Variants in PRMT1 observed in about 807,000 individuals in gnomAD.
PRMT1 encodes protein arginine methyltransferase 1.
PRMT1 carries 5 observed loss-of-function variants against 47.4 expected under a neutral mutation model. The ratio of observed to expected loss-of-function variants is 0.11; its 90% CI spans 0.06 to 0.22. PRMT1 has a LOEUF of 0.22. Among genes scored for constraint, PRMT1 ranks in the 10% least tolerant of loss-of-function variants. The pLI, the probability that PRMT1 is intolerant of heterozygous loss-of-function variation, is 1.00. For missense variants in PRMT1, 249 were observed against 518.4 expected (o/e 0.48, Z 5.05); for synonymous variants, 227 against 204.6 (o/e 1.11, Z -0.94).
intron 5 of PRMT1, 161 bp from the exon 6 acceptor site, chr19:49,683,766 C>A: frequency 1.3e-6 from 1 of 753,724 alleles, no homozygotes; most frequent in Non-Finnish European, 2.1e-6. Context: ...CAAAAATGTC[C>A]AGAACGATGT....
At chr19:49,686,338 C>T (rs2082204126) in intron 9 of PRMT1, 95 bp downstream of exon 9, 1 of 1,450,860 alleles carries the variant, frequency 6.9e-7, no homozygotes, top group Admixed American at 2.3e-5. Flanking sequence ...GCAGAAGGAA[C>T]CATGGGGACA....
Position 49,681,257 on chromosome 19 carries a change from C to T in PRMT1, c.193-653C>T, listed in dbSNP as rs1242914350. On this transcript the variant is annotated intron_variant, in intron 3 of 10. Coordinates refer to ENST00000454376, the MANE Select transcript of PRMT1 (RefSeq NM_001536.6). This position sits in a 1 kb window ranked among gnomAD's most constrained non-coding sequence, Gnocchi z 4.4. ...GTAGAGATAATCTTGCCTTGTTGCC[C>T]AGGCTGGTCTCAAACTCTTGGGATC... 6.6e-6 allele frequency among the ~76,000 whole-genome samples: 1 copy of T among 152,128 alleles called. No homozygotes were observed. Among genetic ancestry groups the T allele is most frequent in the Non-Finnish European group, 1.5e-5 (1 of 68,020 alleles).
chr19:49,676,570 C>T (rs1227153189), upstream of PRMT1: 1 of 152,290 alleles, frequency 6.6e-6, no homozygotes, highest in Non-Finnish European at 1.5e-5. Context: ...GACTCCTATT[C>T]CTCACTTGCT....
chr19:49,680,189 C>G lies in PRMT1; in HGVS notation c.90+264C>G, dbSNP rs370673129. ...GCCCCCATTTTCCTTCCCCTCCCCT[C>G]CCCAGCTGTGGGCTGAGCTAGAGAC... is the stretch of plus-strand genomic sequence containing the variant. On this transcript the variant is annotated intron_variant, in intron 2 of 10. Transcript: ENST00000454376. The surrounding 1 kb of genome is among the most constrained non-coding windows in gnomAD (Gnocchi z 4.2). 2,024 of 1,592,842 alleles carry G rather than the reference C, an allele frequency of 1.3e-3. 50 individuals are homozygous for G. The South Asian group carries it at 0.022, about 17-fold the overall frequency.
chr19:49,683,665 G>A (rs932464069), intron 5 of PRMT1: 1 of 365,016 alleles, frequency 2.7e-6, no homozygotes, highest in Non-Finnish European at 5.1e-6. Flanking sequence ...TCCAGCCTGG[G>A]TGACAGAGCA....
At position 49,688,339 on chromosome 19, in the gene PRMT1, G is replaced by T; in HGVS notation, c.*94G>T. On this transcript the variant is annotated 3_prime_UTR_variant, in exon 11 of 11. Transcript: ENST00000454376. This position sits in a 1 kb window ranked among gnomAD's most constrained non-coding sequence, Gnocchi z 5.3. ...TCCTCTCCCTCCCTCCCGCAGAAGG[G>T]GGTTTTAGGGGCCTGGGCTGGGGGG... 1 of 1,232,594 alleles carries T rather than the reference G, an allele frequency of 8.1e-7. No individual in the cohort carries two copies. 76.4% of individuals were successfully genotyped at this position (1,232,594 alleles called of 1,614,324 possible). A position where few individuals can be genotyped will look rare whatever the true frequency, so the allele number is the denominator to read the frequency against.
rs1473378098 is a variant in PRMT1 at position 49,683,727 on chromosome 19, C to A, written c.413-200C>A. 26 of 584,444 alleles carry A rather than the reference C, an allele frequency of 4.4e-5. No homozygotes were observed. In the Admixed American group the frequency reaches 8.0e-4, roughly 18 times the overall value. The allele number at this position is 584,444 out of a possible 1,614,324, so 36.2% of individuals were successfully genotyped here. A position where few individuals can be genotyped will look rare whatever the true frequency, so the allele number is the denominator to read the frequency against. Reference sequence around the variant, plus strand: ...AAAAAAAGTAACATCACCTGATACCCAGTCCACATAAAATTTCTGCTCCTG... The same window carrying A: ...AAAAAAAGTAACATCACCTGATACCAAGTCCACATAAAATTTCTGCTCCTG... On this transcript the variant is annotated intron_variant, in intron 5 of 10. Transcript: ENST00000454376.
rs770251288 is a variant in PRMT1 at position 49,685,019 on chromosome 19, C to T, written c.741C>T (p.Thr247=). 77 of 1,613,560 alleles carry T rather than the reference C, an allele frequency of 4.8e-5. No individual in the cohort carries two copies. Among genetic ancestry groups the T allele is most frequent in the Non-Finnish European group, 6.2e-5 (73 of 1,179,790 alleles). The change falls in exon 8 of 11, where the codon ACC becomes ACT. Residue 247 remains threonine (T), a synonymous_variant. Coordinates refer to ENST00000454376, the MANE Select transcript of PRMT1 (RefSeq NM_001536.6). This position sits in a 1 kb window ranked among gnomAD's most constrained non-coding sequence, Gnocchi z 4.7. ...TCGTGGACCCCAAACAGCTGGTCAC[C>T]AACGCCTGCCTCATAAAGGTGAGGG... ...VDVVDPKQLV[T]NACLIKEVDI...
At chr19:49,687,946 C>G in intron 10 of PRMT1, 2 of 607,986 alleles carry the variant, frequency 3.3e-6, no homozygotes, top group Non-Finnish European at 5.9e-6. Context: ...CTGGGCTCTA[C>G]TCCTGAGTGA....
At position 49,688,299 on chromosome 19, in the gene PRMT1, T is replaced by A; in HGVS notation, c.*54T>A. 1.3e-6 allele frequency: 2 copies of A among 1,570,364 alleles called. No individual in the cohort carries two copies. The highest frequency in any genetic ancestry group is 1.7e-6 in the Non-Finnish European group (2 of 1,143,964). On this transcript the variant is annotated 3_prime_UTR_variant, in exon 11 of 11. Coordinates refer to ENST00000454376, the MANE Select transcript of PRMT1 (RefSeq NM_001536.6). This position sits in a 1 kb window ranked among gnomAD's most constrained non-coding sequence, Gnocchi z 5.3. ...CAGGGGCTGAGCGTTCCTAGGCGGT[T>A]TCGGGGCTCCCCCTTCCTCTCCCTC...
chr19:49,677,008 T>C, upstream of PRMT1: 1 of 380,252 alleles, frequency 2.6e-6, no homozygotes, highest in Non-Finnish European at 4.7e-6. Flanking sequence ...CAGTCGCGCT[T>C]CTTGCAATAG....
intron 1 of PRMT1, among the ~76,000 whole-genome samples, chr19:49,678,882 C>CTTT (rs777584653): frequency 7.5e-6 from 1 of 132,756 alleles, no homozygotes; most frequent in Non-Finnish European, 1.6e-5. Flanking sequence ...CCCCAAGCCA[C>CTTT]TTTTTTTTTT....
chr19:49,687,892 T>C (rs182749150), intron 10 of PRMT1: 2 of 564,432 alleles, frequency 3.5e-6, no homozygotes, highest in Non-Finnish European at 6.4e-6. Flanking sequence ...GCATTGCTGA[T>C]GGGAATCATC....
chr19:49,679,913 G>A lies in PRMT1; in HGVS notation c.78G>A (p.Pro26=), dbSNP rs759570014. The A allele has an allele frequency of 1.4e-5, 23 of 1,612,082 alleles. No individual in the cohort carries two copies. The highest frequency in any genetic ancestry group is 6.6e-5 in the South Asian group (6 of 90,828). Residue 26 remains proline (P), a synonymous_variant, in exon 2 of 11, where the codon CCG becomes CCA. Coordinates refer to ENST00000454376, the MANE Select transcript of PRMT1 (RefSeq NM_001536.6). ...ATLANGMSLQ[P]PLEEVSCGQA... is the part of the protein sequence containing the mutation. The stretch of plus-strand genomic sequence containing the variant: ...TGGCTAATGGGATGAGCCTCCAGCC[G>A]CCTCTTGAAGAAGTAAATATCCTTT...
rs753077200 is a variant in PRMT1 at position 49,683,994 on chromosome 19, C to T, written c.480C>T (p.Ile160=). 1 of 1,614,142 alleles carries T rather than the reference C, an allele frequency of 6.2e-7. No homozygotes were observed. Among genetic ancestry groups the T allele is most frequent in the Non-Finnish European group, 8.5e-7 (1 of 1,180,030 alleles). ...ELPVEKVDII[I]SEWMGYCLFY... ...CAGTGGAGAAGGTGGACATCATCAT[C>T]AGCGAGTGGATGGGCTACTGCCTCT... Residue 160 remains isoleucine, a synonymous_variant, in exon 6 of 11, where the codon ATC becomes ATT. Coordinates refer to ENST00000454376, the MANE Select transcript of PRMT1 (RefSeq NM_001536.6).
In PRMT1 at chr19:49,684,040, A is replaced by G. The variant is rs2082165844; in HGVS notation, c.526A>G (p.Thr176Ala). The G allele has an allele frequency of 6.2e-7, 1 of 1,614,024 alleles. No homozygotes were observed. Among genetic ancestry groups the G allele is most frequent in the Non-Finnish European group, 8.5e-7 (1 of 1,179,994 alleles). ...CCTCTTCTACGAGTCCATGCTCAAC[A>G]CCGTGCTCTATGCCCGGGACAAGTG... ...YCLFYESMLN[T>A]VLYARDKWLA... The change falls in exon 6 of 11, where the codon ACC becomes GCC. Residue 176 changes from threonine (T) to alanine (A), a missense_variant. Physicochemically the swap from Thr to Ala is moderately conservative, Grantham distance 58. This residue lies in a region of PRMT1 where 190 missense variants were observed against 456.7 expected (regional missense o/e 0.42). Transcript: ENST00000454376. This position sits in a 1 kb window ranked among gnomAD's most constrained non-coding sequence, Gnocchi z 6.2.
chr19:49,688,340 G>A lies in PRMT1; in HGVS notation c.*95G>A. On this transcript the variant is annotated 3_prime_UTR_variant, in exon 11 of 11. Coordinates refer to ENST00000454376, the MANE Select transcript of PRMT1 (RefSeq NM_001536.6). This position sits in a 1 kb window ranked among gnomAD's most constrained non-coding sequence, Gnocchi z 5.3. ...CCTCTCCCTCCCTCCCGCAGAAGGG[G>A]GTTTTAGGGGCCTGGGCTGGGGGGA... is the stretch of plus-strand genomic sequence containing the variant. 8.1e-7 allele frequency: 1 copy of A among 1,229,754 alleles called. No individual in the cohort carries two copies. The highest frequency in any genetic ancestry group is 2.4e-5 in the East Asian group (1 of 42,418). 76.2% of individuals were successfully genotyped at this position (1,229,754 alleles called of 1,614,324 possible). A position where few individuals can be genotyped will look rare whatever the true frequency, so the allele number is the denominator to read the frequency against.
rs2082092604 is a variant in PRMT1 at position 49,680,041 on chromosome 19, AC to A, written c.90+120del. 8.0e-7 allele frequency: 1 copy of A among 1,250,764 alleles called. No individual in the cohort carries two copies. The highest frequency in any genetic ancestry group is 1.1e-6 in the Non-Finnish European group (1 of 875,464). 77.5% of individuals were successfully genotyped at this position (1,250,764 alleles called of 1,614,324 possible). A position where few individuals can be genotyped will look rare whatever the true frequency, so the allele number is the denominator to read the frequency against. On this transcript the variant is annotated intron_variant, in intron 2 of 10. Coordinates refer to ENST00000454376, the MANE Select transcript of PRMT1 (RefSeq NM_001536.6). This position sits in a 1 kb window ranked among gnomAD's most constrained non-coding sequence, Gnocchi z 4.2. Reference sequence around the variant, plus strand: ...TACCCCTCTTGCTTCAAACCAGTTTACCCCAGGCCCCCAGACACTTAGTAGC... The same window carrying A: ...TACCCCTCTTGCTTCAAACCAGTTTACCCAGGCCCCCAGACACTTAGTAGC...
Position 49,679,907 on chromosome 19 carries a change from C to A in PRMT1, c.72C>A (p.Leu24=). The change falls in exon 2 of 11, where the codon CTC becomes CTA. Residue 24 remains leucine (L), a synonymous_variant. Coordinates refer to ENST00000454376, the MANE Select transcript of PRMT1 (RefSeq NM_001536.6). ...CCACCTTGGCTAATGGGATGAGCCT[C>A]CAGCCGCCTCTTGAAGAAGTAAATA... ...FVATLANGMS[L]QPPLEEVSCG... 6.2e-7 allele frequency: 1 copy of A among 1,612,958 alleles called. No individual in the cohort carries two copies.
Sources: allele counts gnomAD v4.1 joint callset (sites outside exome capture counted in the v4.1 genomes callset), GRCh38; gene constraint gnomAD v4.1.1; regional missense constraint gnomAD v4.1.1; non-coding constraint Gnocchi (gnomAD v3.1); transcripts MANE v1.5; gene names NCBI Gene and HGNC (gene_info 2026-07-23, HGNC 2026-07-21).